The following ZFYVE1 variants were observed in gnomAD, a reference collection of about 807,000 sequenced individuals.
ZFYVE1 encodes the protein zinc finger FYVE-type containing 1, also known as zinc finger FYVE domain-containing protein 1.
In ZFYVE1, 30 loss-of-function variants were observed where a neutral mutation model predicts 74.4. That is an observed-to-expected ratio of 0.40 (90% CI 0.30 to 0.55). The LOEUF (loss-of-function observed/expected upper bound fraction) is 0.55. Ranked by LOEUF, ZFYVE1 falls within the 20% of genes least tolerant of loss-of-function variation. The probability of loss-of-function intolerance (pLI) is 0.42; values close to 1 mark genes in which losing one functional copy is unlikely to be tolerated. For missense variants in ZFYVE1, 703 were observed against 1,011.6 expected (o/e 0.69, Z 4.14); for synonymous variants, 335 against 385.1 (o/e 0.87, Z 1.52).
In ZFYVE1 at chr14:73,024,565, G is replaced by A. The variant is rs982667404; in HGVS notation, c.-57C>T. On this transcript the variant is annotated 5_prime_UTR_variant, in exon 2 of 12. Transcript: ENST00000556143. ...ATAATAGTCACTGAGCTTGCCCCGG[G>A]GGTGAAGACGAAGATTTGAGTCTGA... 10 of 1,521,020 alleles carry A rather than the reference G, an allele frequency of 6.6e-6. No homozygotes were observed. In the African/African-American group the frequency reaches 1.3e-4, roughly 19 times the overall value. The allele number at this position is 1,521,020 out of a possible 1,614,324, so 94.2% of individuals were successfully genotyped here. A position where few individuals can be genotyped will look rare whatever the true frequency, so the allele number is the denominator to read the frequency against.
At chr14:72,973,470 C>G (rs1320860833) in intron 11 of ZFYVE1, among the ~76,000 whole-genome samples, 1 of 151,868 alleles carries the variant, frequency 6.6e-6, no homozygotes, top group Non-Finnish European at 1.5e-5. Context: ...GCCTGGGTGA[C>G]AGAGTAAGAC....
chr14:72,977,913 CCAA>C lies in ZFYVE1; in HGVS notation c.1635+11_1635+13del, dbSNP rs1434807784. 1.2e-6 allele frequency: 2 copies of C among 1,612,766 alleles called. No individual in the cohort carries two copies. Among genetic ancestry groups the C allele is most frequent in the Admixed American group, 3.3e-5 (2 of 59,860 alleles). The stretch of plus-strand genomic sequence containing the variant: ...ACAAGATAAAGAAAAACAGAGAAAT[CCAA>C]CAGTTCTTACTCCAGGCCACACATG... On this transcript the variant is annotated intron_variant, in intron 8 of 11. Transcript: ENST00000556143.
At chr14:73,003,374 A>G (rs892167585) in intron 2 of ZFYVE1, among the ~76,000 whole-genome samples, 3 of 152,152 alleles carry the variant, frequency 2.0e-5, no homozygotes, top group Admixed American at 2.0e-4. Context: ...TGCTGGTTTG[A>G]TAACAGAGAA....
chr14:73,016,194 A>G (rs1297671056), intron 2 of ZFYVE1, among the ~76,000 whole-genome samples: 3 of 152,050 alleles, frequency 2.0e-5, no homozygotes, highest in African/African-American at 7.2e-5. Context: ...GTCAGCATGA[A>G]TCATTTATTT....
chr14:72,979,958 T>C lies in ZFYVE1; in HGVS notation c.1311-989A>G, dbSNP rs141443941. ...AATGCAAAAACAGAGATCAGGACTT[T>C]AGAATTTCACTATGATAAAAGGGAA... is the stretch of plus-strand genomic sequence containing the variant. On this transcript the variant is annotated intron_variant, in intron 5 of 11. Transcript: ENST00000556143. 3.9e-4 allele frequency among the ~76,000 whole-genome samples: 59 copies of C among 152,300 alleles called. No homozygotes were observed. The East Asian group carries it at 9.7e-3, about 25-fold the overall frequency.
At chr14:73,019,952 A>G (rs1894282460) in intron 2 of ZFYVE1, among the ~76,000 whole-genome samples, 1 of 150,730 alleles carries the variant, frequency 6.6e-6, no homozygotes, top group Non-Finnish European at 1.5e-5. Context: ...CTCAGTCTCA[A>G]AAAAAAAGAA....
chr14:73,021,461 A>G (rs1274919194), intron 2 of ZFYVE1, among the ~76,000 whole-genome samples: 1 of 152,276 alleles, frequency 6.6e-6, no homozygotes, highest in Admixed American at 6.5e-5. Flanking sequence ...ACCACTGTAC[A>G]TGGCATAGGC....
At chr14:72,974,053 C>A in intron 11 of ZFYVE1, 27 bp downstream of exon 11, 2 of 1,608,310 alleles carry the variant, frequency 1.2e-6, no homozygotes, top group Non-Finnish European at 1.7e-6. Context: ...CATCCACTAC[C>A]CCCAAGAGAA....
intron 2 of ZFYVE1, among the ~76,000 whole-genome samples, chr14:73,014,533 G>T (rs2140383637): frequency 6.6e-6 from 1 of 152,290 alleles, no homozygotes; most frequent in East Asian, 1.9e-4. Flanking sequence ...CTCCTACGAA[G>T]ATCTATTTTT....
intron 2 of ZFYVE1, among the ~76,000 whole-genome samples, chr14:73,020,588 G>A (rs1353683826): frequency 6.6e-6 from 1 of 152,104 alleles, no homozygotes; most frequent in Non-Finnish European, 1.5e-5. Context: ...TCCTGACCTC[G>A]TGATCCACCT....
At chr14:72,997,759 GCCT>G in intron 3 of ZFYVE1, 49 bp downstream of exon 3, 1 of 1,515,286 alleles carries the variant, frequency 6.6e-7, no homozygotes, top group East Asian at 2.3e-5. Flanking sequence ...CCAAATAGCT[GCCT>G]CCTTGTACCC....
intron 2 of ZFYVE1, among the ~76,000 whole-genome samples, chr14:73,009,617 G>A (rs1033809336): frequency 1.9e-4 from 29 of 152,276 alleles, no homozygotes; most frequent in Middle Eastern, 3.4e-3. Flanking sequence ...TTAGGTGGGC[G>A]TGGTGGCACG....
chr14:72,990,229 C>A (rs1367094733), intron 4 of ZFYVE1, among the ~76,000 whole-genome samples: 1 of 152,090 alleles, frequency 6.6e-6, no homozygotes, highest in Non-Finnish European at 1.5e-5. Context: ...CTAGGGAGAA[C>A]CCAAATCACA....
chr14:72,990,788 C>T (rs1346694740), intron 4 of ZFYVE1, among the ~76,000 whole-genome samples: 1 of 148,148 alleles, frequency 6.8e-6, no homozygotes, highest in East Asian at 2.0e-4. Flanking sequence ...GCAACCTCCA[C>T]CTCCCAGGTT....
Position 72,970,838 on chromosome 14 carries a change from T to G in ZFYVE1, c.*44A>C. On this transcript the variant is annotated 3_prime_UTR_variant, in exon 12 of 12. Transcript: ENST00000556143. ...TACCTCGCAAGACTGTTTCTAACCC[T>G]GAGAACCTAAGGAATTGTGAAGGAC... 1.3e-6 allele frequency: 2 copies of G among 1,599,590 alleles called. No individual in the cohort carries two copies. The highest frequency in any genetic ancestry group is 1.7e-6 in the Non-Finnish European group (2 of 1,169,438).
At chr14:72,990,347 A>G (rs1893578041) in intron 4 of ZFYVE1, among the ~76,000 whole-genome samples, 1 of 151,998 alleles carries the variant, frequency 6.6e-6, no homozygotes, top group Non-Finnish European at 1.5e-5. Context: ...ATCTCGGTGA[A>G]ATTTTGAGGA....
At chr14:72,999,490 G>C (rs1567356393) in intron 2 of ZFYVE1, among the ~76,000 whole-genome samples, 1 of 152,112 alleles carries the variant, frequency 6.6e-6, no homozygotes, top group Non-Finnish European at 1.5e-5. Context: ...CAGAGGCTGA[G>C]GTGGGAAGAT....
intron 2 of ZFYVE1, among the ~76,000 whole-genome samples, chr14:72,999,584 AG>A (rs1225652858): frequency 1.3e-5 from 2 of 152,062 alleles, no homozygotes; most frequent in Non-Finnish European, 2.9e-5. Context: ...AAAAAAAAAA[AG>A]ACAATGAAAA....
chr14:72,985,758 A>C (rs975580344), intron 4 of ZFYVE1, among the ~76,000 whole-genome samples: 6 of 151,444 alleles, frequency 4.0e-5, no homozygotes, highest in Non-Finnish European at 8.8e-5. Context: ...TTAAAAAAAA[A>C]AAAAGAATAG....
Sources: allele counts gnomAD v4.1 joint callset (sites outside exome capture counted in the v4.1 genomes callset), GRCh38; gene constraint gnomAD v4.1.1; transcripts MANE v1.5; gene names NCBI Gene and HGNC (gene_info 2026-07-23, HGNC 2026-07-21).